TMEM117: variants seen among roughly 807,000 people sequenced by gnomAD.
TMEM117 encodes transmembrane protein 117.
TMEM117 carries 27 observed loss-of-function variants against 52.4 expected under a neutral mutation model. The observed-to-expected ratio is 0.51, with a 90% CI of 0.38 to 0.71. The LOEUF is 0.71. Ranked by LOEUF, TMEM117 falls within the 30% of genes least tolerant of loss-of-function variation. TMEM117 has a pLI of 0.00. For synonymous variants in TMEM117, 215 were observed against 206.3 expected (o/e 1.04, Z -0.36); for missense variants, 556 against 630.5 (o/e 0.88, Z 1.26).
chr12:44,328,576 C>T (rs999834135), intron 6 of TMEM117, among the ~76,000 whole-genome samples: 7 of 152,052 alleles, frequency 4.6e-5, no homozygotes, highest in South Asian at 2.1e-4. Context: ...AGACAAAGCA[C>T]GTGTTACAAT....
chr12:43,842,467 CCAATGTTTATA>C (rs2137350251), intron 1 of TMEM117, among the ~76,000 whole-genome samples: 1 of 151,990 alleles, frequency 6.6e-6, no homozygotes, highest in African/African-American at 2.4e-5. Flanking sequence ...GTTTATATTG[CCAATGTTTATA>C]TTGCTTTTGT....
chr12:43,898,862 T>A lies in TMEM117; in HGVS notation c.278-45348T>A, dbSNP rs574426623. Among the ~76,000 whole-genome samples the A allele has an allele frequency of 2.0e-5, 3 of 152,306 alleles. No homozygotes were observed. The East Asian group carries it at 5.8e-4, about 29-fold the overall frequency. ...AGTAGGATTGGCTCTGAGACAAAAG[T>A]GGCCCCATAAGTTGTTGAAAAAGTA... is the stretch of plus-strand genomic sequence containing the variant. On this transcript the variant is annotated intron_variant, in intron 2 of 7. Transcript: ENST00000266534.
intron 3 of TMEM117, among the ~76,000 whole-genome samples, chr12:44,092,082 A>G (rs1565823797): frequency 6.6e-6 from 1 of 152,218 alleles, no homozygotes. Context: ...TTGGAATATG[A>G]ATTAGCATGG....
chr12:44,203,298 G>T (rs1949521858), intron 4 of TMEM117, among the ~76,000 whole-genome samples: 1 of 152,156 alleles, frequency 6.6e-6, no homozygotes, highest in Non-Finnish European at 1.5e-5. Context: ...TGTGGGGTCA[G>T]TGATAATGTC....
intron 4 of TMEM117, among the ~76,000 whole-genome samples, chr12:44,143,908 A>G (rs1948605690): frequency 6.6e-6 from 1 of 152,236 alleles, no homozygotes; most frequent in African/African-American, 2.4e-5. Flanking sequence ...GTTTGAGCAT[A>G]TAAACATATA....
intron 6 of TMEM117, among the ~76,000 whole-genome samples, chr12:44,336,710 G>A (rs1951345468): frequency 6.6e-6 from 1 of 151,830 alleles, no homozygotes. Flanking sequence ...AAACCATAGG[G>A]GTTTTTTTTT....
At chr12:43,835,468 G>A (rs1284339139), upstream of TMEM117, among the ~76,000 whole-genome samples, 1 of 151,524 alleles carries the variant, frequency 6.6e-6, no homozygotes, top group Non-Finnish European at 1.5e-5. Context: ...ATGAATGTGT[G>A]TATGTGTGCA....
chr12:44,390,103 A>C (rs961372542), downstream of TMEM117, among the ~76,000 whole-genome samples: 1 of 152,098 alleles, frequency 6.6e-6, no homozygotes, highest in Non-Finnish European at 1.5e-5. Context: ...GCCAGCTTTA[A>C]TAAACATCTT....
At chr12:44,287,719 A>G (rs907908344) in intron 5 of TMEM117, among the ~76,000 whole-genome samples, 1 of 152,250 alleles carries the variant, frequency 6.6e-6, no homozygotes, top group Non-Finnish European at 1.5e-5. Flanking sequence ...ATTGCAGTGC[A>G]GTGCTTATGA....
chr12:44,332,748 C>G (rs926500768), intron 6 of TMEM117, among the ~76,000 whole-genome samples: 1 of 149,624 alleles, frequency 6.7e-6, no homozygotes, highest in Non-Finnish European at 1.5e-5. Flanking sequence ...CACACACACA[C>G]AGACACACAC....
chr12:44,164,664 A>G (rs1170958120), intron 4 of TMEM117, among the ~76,000 whole-genome samples: 2 of 152,200 alleles, frequency 1.3e-5, no homozygotes, highest in Non-Finnish European at 2.9e-5. Context: ...CTGGGATATA[A>G]TAAGAGGATT....
chr12:43,820,099 AT>A, the TMEM117 span, among the ~76,000 whole-genome samples: 80 of 149,270 alleles, frequency 5.4e-4, no homozygotes, highest in African/African-American at 7.5e-4. Flanking sequence ...TTACAGGTGT[AT>A]TTTTTTTTGT....
At chr12:44,127,928 C>T (rs1489080753) in intron 3 of TMEM117, among the ~76,000 whole-genome samples, 1 of 152,116 alleles carries the variant, frequency 6.6e-6, no homozygotes, top group African/African-American at 2.4e-5. Context: ...GTCTATCTAT[C>T]TGTCTATTTC....
chr12:43,966,783 T>C (rs1177747329), intron 3 of TMEM117, among the ~76,000 whole-genome samples: 2 of 152,206 alleles, frequency 1.3e-5, no homozygotes, highest in Non-Finnish European at 2.9e-5. Flanking sequence ...TCAGAAATGG[T>C]CTTAGTGATT....
chr12:44,325,569 A>G (rs1235624985), intron 6 of TMEM117, among the ~76,000 whole-genome samples: 4 of 151,572 alleles, frequency 2.6e-5, no homozygotes, highest in Non-Finnish European at 5.9e-5. Context: ...TCCTTTACAT[A>G]ATTTTATCTT....
the TMEM117 span, among the ~76,000 whole-genome samples, chr12:43,803,460 G>A: frequency 6.6e-6 from 1 of 152,006 alleles, no homozygotes; most frequent in Admixed American, 6.5e-5. Flanking sequence ...ATAAAGGGGA[G>A]ATATAGGTAT....
At chr12:44,096,008 C>T (rs1250769409) in intron 3 of TMEM117, among the ~76,000 whole-genome samples, 1 of 152,186 alleles carries the variant, frequency 6.6e-6, no homozygotes, top group Non-Finnish European at 1.5e-5. Flanking sequence ...TGATAAGCAA[C>T]TTCAGCAAAG....
chr12:43,797,550 G>C, the TMEM117 span: 4 of 1,359,984 alleles, frequency 2.9e-6, no homozygotes, highest in Non-Finnish European at 4.0e-6. Context: ...GAGGAACTTA[G>C]TTCTGGATGG....
intron 2 of TMEM117, among the ~76,000 whole-genome samples, chr12:43,879,570 T>A (rs965630782): frequency 1.3e-5 from 2 of 152,340 alleles, no homozygotes; most frequent in South Asian, 4.1e-4. Flanking sequence ...CTCCTCCTAA[T>A]TCTGGGTCTA....
Sources: gnomAD v4.1 joint callset for allele counts (sites outside exome capture counted in the v4.1 genomes callset) on GRCh38, gnomAD v4.1.1 for gene constraint, MANE v1.5 for transcripts, NCBI Gene and HGNC (gene_info 2026-07-23, HGNC 2026-07-21) for gene names.